The following ESYT2 variants were observed in gnomAD, a reference collection of about 807,000 sequenced individuals.
The protein encoded by ESYT2 is extended synaptotagmin 2, also known as extended synaptotagmin-2.
ESYT2 carries 54 observed loss-of-function variants against 107.2 expected under a neutral mutation model. The observed-to-expected ratio is 0.50, with a 90% CI of 0.40 to 0.63. The LOEUF is 0.63. Ranked by LOEUF, ESYT2 falls within the 30% of genes least tolerant of loss-of-function variation. The pLI is 0.00. For synonymous variants in ESYT2, 491 were observed against 434.1 expected (o/e 1.13, Z -1.63); for missense variants, 1,020 against 1,094.5 (o/e 0.93, Z 0.96).
rs1839870513 is a variant in ESYT2, at chr7:158,807,632, C to A, written c.331-8560G>T. Among the ~76,000 whole-genome samples the A allele has an allele frequency of 3.9e-5, 6 of 152,172 alleles. No homozygotes were observed. The South Asian group carries it at 1.2e-3, about 32-fold the overall frequency. On this transcript the variant is annotated intron_variant, in intron 1 of 22. Transcript: ENST00000275418. ...ATCTTTCCCAATTATAGCCTGTGTGCCTCACTGCTGTTTGCTGTTACACAT... is the reference window on the plus strand; with the variant it reads ...ATCTTTCCCAATTATAGCCTGTGTGACTCACTGCTGTTTGCTGTTACACAT...
chr7:158,826,819 CAAAAAAAA>C (rs10685364), intron 1 of ESYT2, among the ~76,000 whole-genome samples: 2 of 117,062 alleles, frequency 1.7e-5, no homozygotes, highest in East Asian at 2.5e-4. Context: ...GATTCCGTCT[CAAAAAAAA>C]AAAAAAAAAT....
intron 6 of ESYT2, among the ~76,000 whole-genome samples, chr7:158,783,378 G>A (rs1366358724): frequency 6.6e-6 from 1 of 152,182 alleles, no homozygotes; most frequent in African/African-American, 2.4e-5. Context: ...CATCCTGGCT[G>A]CATTGAGCTC....
intron 7 of ESYT2, among the ~76,000 whole-genome samples, chr7:158,769,592 A>G (rs1373198088): frequency 2.6e-5 from 4 of 152,194 alleles, no homozygotes; most frequent in Non-Finnish European, 5.9e-5. Context: ...CATCACCCGT[A>G]TTTTGTTTCC....
intron 18 of ESYT2, among the ~76,000 whole-genome samples, chr7:158,739,815 GCAA>G (rs930146424): frequency 1.3e-5 from 2 of 152,080 alleles, no homozygotes; most frequent in African/African-American, 4.8e-5. Context: ...CAGTTCAGAT[GCAA>G]CAACCGACTG....
At chr7:158,748,106 GT>G in intron 16 of ESYT2, 87 bp downstream of exon 16, 2 of 1,192,406 alleles carry the variant, frequency 1.7e-6, no homozygotes, top group Non-Finnish European at 2.4e-6. Flanking sequence ...ATCCCCAGGT[GT>G]ATACACGGGT....
intron 3 of ESYT2, among the ~76,000 whole-genome samples, chr7:158,794,961 C>A (rs189289568): frequency 1.8e-3 from 277 of 152,290 alleles, no homozygotes; most frequent in Middle Eastern, 6.8e-3. Context: ...AAGCCATGTA[C>A]AGACTGCACT....
intron 8 of ESYT2, among the ~76,000 whole-genome samples, chr7:158,767,242 G>T (rs996600504): frequency 3.3e-5 from 5 of 152,226 alleles, no homozygotes; most frequent in African/African-American, 1.2e-4. Flanking sequence ...ACATCTGAGA[G>T]AAAATATACA....
At chr7:158,826,716 G>A (rs1466315402) in intron 1 of ESYT2, among the ~76,000 whole-genome samples, 2 of 151,306 alleles carry the variant, frequency 1.3e-5, no homozygotes, top group Non-Finnish European at 2.9e-5. Flanking sequence ...AGCTATTCGG[G>A]AGGCTGAGGC....
At chr7:158,736,967 C>T (rs977933848) in intron 20 of ESYT2, 81 bp downstream of exon 20, 48 of 1,555,294 alleles carry the variant, frequency 3.1e-5, no homozygotes, top group Non-Finnish European at 4.0e-5. Context: ...GTGCTTTGGC[C>T]ACTCAAAGGC....
intron 17 of ESYT2, among the ~76,000 whole-genome samples, chr7:158,743,234 A>G (rs1837273046): frequency 6.6e-6 from 1 of 152,206 alleles, no homozygotes; most frequent in African/African-American, 2.4e-5. Flanking sequence ...GGGCCAAAGG[A>G]TAACGGTAAG....
At chr7:158,822,395 A>G (rs1840310169) in intron 1 of ESYT2, among the ~76,000 whole-genome samples, 1 of 152,218 alleles carries the variant, frequency 6.6e-6, no homozygotes, top group Non-Finnish European at 1.5e-5. Context: ...ATATTTTTGA[A>G]GCATGATTTC....
At chr7:158,760,829 C>T (rs1460083201) in intron 11 of ESYT2, among the ~76,000 whole-genome samples, 14 of 152,204 alleles carry the variant, frequency 9.2e-5, no homozygotes, top group Admixed American at 9.2e-4. Context: ...ATGGGCAGGA[C>T]TGTCCATCCA....
intron 14 of ESYT2, among the ~76,000 whole-genome samples, chr7:158,751,685 T>G (rs1305575949): frequency 6.6e-6 from 1 of 152,242 alleles, no homozygotes; most frequent in African/African-American, 2.4e-5. Context: ...GATAATTTCA[T>G]GAAGAGGATA....
intron 18 of ESYT2, among the ~76,000 whole-genome samples, chr7:158,740,820 C>CAAA (rs2129471282): frequency 6.6e-6 from 1 of 152,296 alleles, no homozygotes; most frequent in African/African-American, 2.4e-5. Flanking sequence ...TCTGCGTGTG[C>CAAA]TTTTTCTAAC....
rs570985290 is a variant in ESYT2 at position 158,758,032 on chromosome 7, A to G, written c.1419+1454T>C. ...AATGAAATAACTTTTTCCAAATTGA[A>G]ATTGTAACAGGTAAAGTCACAGACT... On this transcript the variant is annotated intron_variant, in intron 13 of 22. Coordinates refer to ENST00000275418, the MANE Select transcript of ESYT2 (RefSeq NM_001367773.1). Among the ~76,000 whole-genome samples the G allele has an allele frequency of 1.5e-4, 23 of 152,330 alleles. No homozygotes were observed. The South Asian group carries it at 4.8e-3, about 32-fold the overall frequency.
chr7:158,733,542 A>G lies in ESYT2; in HGVS notation c.*665T>C, dbSNP rs1301761384. On this transcript the variant is annotated 3_prime_UTR_variant, in exon 23 of 23. Transcript: ENST00000275418. ...AATTCTCTTAATATATTACTCAGTT[A>G]TAAAACATTTTTCCTTATAAGCCCT... is the stretch of plus-strand genomic sequence containing the variant. 2 of 152,266 alleles carry G rather than the reference A, an allele frequency of 1.3e-5. No individual in the cohort carries two copies. Among genetic ancestry groups the G allele is most frequent in the Non-Finnish European group, 2.9e-5 (2 of 68,050 alleles). The allele number at this position is 152,266 out of a possible 1,614,324, so 9.4% of individuals were successfully genotyped here.
rs1838847097 is a variant in ESYT2, at chr7:158,781,939, AAG to A, written c.747+6063_747+6064del. Among the ~76,000 whole-genome samples the A allele has an allele frequency of 1.3e-5, 2 of 151,030 alleles. 1 individual carries two copies. The highest frequency in any genetic ancestry group is 3.9e-4 in the East Asian group (2 of 5,100). Reference sequence around the variant, plus strand: ...AACAAAGTGTGAAAGGTATGAGTGTAAGAACGAGAACAAGTGTGAACGAGTGT... The same window carrying A: ...AACAAAGTGTGAAAGGTATGAGTGTAAACGAGAACAAGTGTGAACGAGTGT... On this transcript the variant is annotated intron_variant, in intron 6 of 22. Coordinates refer to ENST00000275418, the MANE Select transcript of ESYT2 (RefSeq NM_001367773.1).
chr7:158,760,276 A>G, intron 11 of ESYT2, 129 bp from the exon 12 acceptor site: 1 of 758,336 alleles, frequency 1.3e-6, no homozygotes, highest in South Asian at 1.7e-5. Flanking sequence ...AGTAACGCGA[A>G]GGCTGAGCCT....
intron 1 of ESYT2, among the ~76,000 whole-genome samples, chr7:158,809,369 G>A (rs1839926723): frequency 2.6e-5 from 4 of 151,394 alleles, no homozygotes; most frequent in South Asian, 4.2e-4. Context: ...CCTGCTACTC[G>A]GGAGGCTGAA....
Sources: gnomAD v4.1 joint callset for allele counts (sites outside exome capture counted in the v4.1 genomes callset) on GRCh38, gnomAD v4.1.1 for gene constraint, MANE v1.5 for transcripts, NCBI Gene and HGNC (gene_info 2026-07-23, HGNC 2026-07-21) for gene names.